TMEM117: variants seen among roughly 807,000 people sequenced by gnomAD.
TMEM117 encodes transmembrane protein 117.
In TMEM117, 27 loss-of-function variants were observed where a neutral mutation model predicts 52.4. The observed-to-expected ratio is 0.51, with a 90% CI of 0.38 to 0.71. The LOEUF is 0.71. Ranked by LOEUF, TMEM117 falls within the 30% of genes least tolerant of loss-of-function variation. The pLI is 0.00. For synonymous variants in TMEM117, 215 were observed against 206.3 expected (o/e 1.04, Z -0.36); for missense variants, 556 against 630.5 (o/e 0.88, Z 1.26).
At chr12:44,184,228 C>G (rs1949245724) in intron 4 of TMEM117, among the ~76,000 whole-genome samples, 1 of 152,108 alleles carries the variant, frequency 6.6e-6, no homozygotes, top group African/African-American at 2.4e-5. Flanking sequence ...TGCCTGTAAT[C>G]CCAGCTACTT....
rs537207082 is a variant in TMEM117, at chr12:44,249,460, T to C, written c.608+38073T>C. Among the ~76,000 whole-genome samples the C allele has an allele frequency of 8.8e-4, 134 of 152,254 alleles. 1 individual carries two copies. Among genetic ancestry groups the C allele is most frequent in the African/African-American group, 2.8e-3 (115 of 41,548 alleles). ...AATGCTACTGCCATCCAAACTACCA[T>C]TGAAATTCTTCACAGAATTAGAAAA... On this transcript the variant is annotated intron_variant, in intron 5 of 7. Transcript: ENST00000266534.
chr12:44,183,460 G>A (rs1404201271), intron 4 of TMEM117, among the ~76,000 whole-genome samples: 1 of 152,194 alleles, frequency 6.6e-6, no homozygotes, highest in Non-Finnish European at 1.5e-5. Flanking sequence ...CTAAAGGTAT[G>A]TGCTTAACAT....
chr12:43,928,581 T>TTTTA (rs1187111107), intron 2 of TMEM117, among the ~76,000 whole-genome samples: 2 of 152,042 alleles, frequency 1.3e-5, no homozygotes, highest in African/African-American at 2.4e-5. Flanking sequence ...ACCATGCTAG[T>TTTTA]TTTATTTATT....
chr12:43,803,161 A>T, the TMEM117 span, among the ~76,000 whole-genome samples: 1 of 152,196 alleles, frequency 6.6e-6, no homozygotes, highest in Non-Finnish European at 1.5e-5. Context: ...TCAGATTTAA[A>T]ATGAATTATT....
At chr12:44,339,951 A>G (rs1333783752) in intron 6 of TMEM117, among the ~76,000 whole-genome samples, 4 of 152,106 alleles carry the variant, frequency 2.6e-5, no homozygotes, top group East Asian at 1.9e-4. Flanking sequence ...AAAGTTAGCT[A>G]TGGAAAGTCT....
intron 5 of TMEM117, among the ~76,000 whole-genome samples, chr12:44,295,118 C>CT (rs1950751442): frequency 6.6e-6 from 1 of 152,090 alleles, no homozygotes; most frequent in Non-Finnish European, 1.5e-5. Flanking sequence ...TTCTTTCTCT[C>CT]TTCTCCTGTG....
chr12:43,855,940 G>A (rs1418598007), intron 2 of TMEM117, among the ~76,000 whole-genome samples: 3 of 152,110 alleles, frequency 2.0e-5, no homozygotes, highest in Non-Finnish European at 4.4e-5. Context: ...TGAAGAATTC[G>A]ACATTTAGGA....
Position 43,844,658 on chromosome 12 carries a change from A to C in TMEM117, c.7A>C (p.Lys3Gln). 1 of 1,613,410 alleles carries C rather than the reference A, an allele frequency of 6.2e-7. No homozygotes were observed. The highest frequency in any genetic ancestry group is 1.1e-5 in the South Asian group (1 of 90,944). The change falls in exon 2 of 8, where the codon AAA becomes CAA. Residue 3 changes from lysine (K) to glutamine (Q), a missense_variant. By Grantham distance (53) the Lys-to-Gln change is moderately conservative. Around this residue, in one of 3 missense-constraint regions of TMEM117, gnomAD observed 328 missense variants for 371.4 expected, o/e 0.88. Coordinates refer to ENST00000266534, the MANE Select transcript of TMEM117 (RefSeq NM_032256.3). MG[K>Q]DFRYYFQHPW... ...GAACTGGGAGTTCTGAAGAATGGGT[A>C]AAGACTTTCGTTACTATTTCCAGCA...
chr12:44,167,334 GC>G (rs1393768736), intron 4 of TMEM117, among the ~76,000 whole-genome samples: 1 of 152,058 alleles, frequency 6.6e-6, no homozygotes, highest in Non-Finnish European at 1.5e-5. Context: ...CACTCCTTTT[GC>G]CCCAAGTTGA....
At chr12:43,946,378 G>GTTTTTTTTTTTTTTTTTTT (rs1244597058) in intron 3 of TMEM117, among the ~76,000 whole-genome samples, 1 of 113,494 alleles carries the variant, frequency 8.8e-6, no homozygotes, top group Non-Finnish European at 1.7e-5. Context: ...ATATAATTCT[G>GTTTTTTTTTTTTTTTTTTT]TTTTTTTTTT....
chr12:44,376,074 T>C (rs1249242581), intron 6 of TMEM117, among the ~76,000 whole-genome samples: 2 of 152,200 alleles, frequency 1.3e-5, no homozygotes, highest in Admixed American at 6.5e-5. Context: ...CAGGAGCCTG[T>C]CATTTTTACA....
intron 3 of TMEM117, among the ~76,000 whole-genome samples, chr12:44,106,066 C>T (rs1437339294): frequency 6.6e-6 from 1 of 151,964 alleles, no homozygotes; most frequent in Non-Finnish European, 1.5e-5. Context: ...GCACTGGTTC[C>T]CTCAGAGGTT....
At chr12:44,187,250 A>G (rs1019401491) in intron 4 of TMEM117, among the ~76,000 whole-genome samples, 1 of 152,150 alleles carries the variant, frequency 6.6e-6, no homozygotes, top group African/African-American at 2.4e-5. Flanking sequence ...TGGGAAAAAA[A>G]TCAAGGTCAT....
intron 2 of TMEM117, among the ~76,000 whole-genome samples, chr12:43,855,207 T>G (rs1943379239): frequency 6.6e-6 from 1 of 152,204 alleles, no homozygotes. Context: ...CTTTTGGATC[T>G]CGGAACTGTG....
At chr12:43,852,271 A>G (rs1370848836) in intron 2 of TMEM117, among the ~76,000 whole-genome samples, 1 of 152,200 alleles carries the variant, frequency 6.6e-6, no homozygotes, top group Non-Finnish European at 1.5e-5. Context: ...CTCTACTAAA[A>G]GTACAAAAAA....
rs542556950 is a variant in TMEM117, at chr12:44,096,525, A to G, written c.411-47000A>G. Among the ~76,000 whole-genome samples, 770 of 152,190 alleles carry G rather than the reference A, an allele frequency of 5.1e-3. 6 individuals are homozygous for G. The highest frequency in any genetic ancestry group is 0.018 in the African/African-American group (727 of 41,506). On this transcript the variant is annotated intron_variant, in intron 3 of 7. Coordinates refer to ENST00000266534, the MANE Select transcript of TMEM117 (RefSeq NM_032256.3). ...TGGTACCAAAACAGAGATATAGATC[A>G]ATGGAACAGAACAGAGCCCTCAGAA...
chr12:43,907,608 G>A (rs1944416202), intron 2 of TMEM117, among the ~76,000 whole-genome samples: 1 of 147,646 alleles, frequency 6.8e-6, no homozygotes, highest in African/African-American at 2.5e-5. Flanking sequence ...AAAAAATTTA[G>A]AAGAATGTAT....
chr12:43,964,745 T>G (rs757332821), intron 3 of TMEM117, among the ~76,000 whole-genome samples: 2 of 152,196 alleles, frequency 1.3e-5, no homozygotes, highest in East Asian at 3.8e-4. Flanking sequence ...TCTGGTTGGG[T>G]TCTTATCTAT....
At chr12:43,831,310 T>C (rs1555175753), upstream of TMEM117, among the ~76,000 whole-genome samples, 1 of 152,214 alleles carries the variant, frequency 6.6e-6, no homozygotes, top group Non-Finnish European at 1.5e-5. Flanking sequence ...CATTTCCCGA[T>C]TGACTTGGTA....
Sources: gnomAD v4.1 joint callset for allele counts (sites outside exome capture counted in the v4.1 genomes callset) on GRCh38, gnomAD v4.1.1 for gene constraint, gnomAD v4.1.1 regional missense constraint, MANE v1.5 for transcripts, NCBI Gene and HGNC (gene_info 2026-07-23, HGNC 2026-07-21) for gene names.